Variants in NBAS observed in about 807,000 individuals in gnomAD.
NBAS encodes the protein NBAS subunit of NRZ tethering complex, also known as NAG/BC035112 fusion.
NBAS carries 219 observed loss-of-function variants against 302.5 expected under a neutral mutation model. The observed-to-expected ratio is 0.72, with a 90% confidence interval of 0.65 to 0.81. The LOEUF (loss-of-function observed/expected upper bound fraction) is 0.81, where lower values mean the gene tolerates loss of function less well. Among genes scored for constraint, NBAS ranks in the 30% least tolerant of loss-of-function variants. The pLI, the probability that NBAS is intolerant of heterozygous loss-of-function variation, is 0.00. For missense variants in NBAS, 2,932 were observed against 2,841.6 expected, an observed-to-expected ratio of 1.03 and a Z score of -0.72; for synonymous variants, 1,118 against 1,021.6, an observed-to-expected ratio of 1.09 and a Z score of -1.80.
At chr2:15,090,098 G>A in the NBAS span, among the ~76,000 whole-genome samples, 3 of 152,160 alleles carry the variant, frequency 2.0e-5, no homozygotes, top group Non-Finnish European at 2.9e-5. Context: ...ATAGGACTCT[G>A]AATTGTTCCC....
At chr2:15,287,688 C>T (rs1463281263) in intron 41 of NBAS, among the ~76,000 whole-genome samples, 4 of 151,530 alleles carry the variant, frequency 2.6e-5, no homozygotes, top group Non-Finnish European at 5.9e-5. Flanking sequence ...GGAGGCATCC[C>T]GAACACCCGC....
chr2:14,791,375 A>C, the NBAS span, among the ~76,000 whole-genome samples: 4 of 152,244 alleles, frequency 2.6e-5, no homozygotes, highest in East Asian at 7.7e-4. Context: ...GAACGAAAAC[A>C]CAACCATCTC....
At chr2:14,841,423 G>C in the NBAS span, among the ~76,000 whole-genome samples, 1 of 148,682 alleles carries the variant, frequency 6.7e-6, no homozygotes, top group Non-Finnish European at 1.5e-5. Flanking sequence ...TTGCCTACAG[G>C]AATCCCACTT....
intron 42 of NBAS, among the ~76,000 whole-genome samples, chr2:15,278,342 T>A (rs547762570): frequency 6.6e-6 from 1 of 152,196 alleles, no homozygotes; most frequent in Non-Finnish European, 1.5e-5. Context: ...TCTATAAATA[T>A]GTCCCCAGTC....
the NBAS span, among the ~76,000 whole-genome samples, chr2:14,857,209 G>A: frequency 0.21 from 31,823 of 151,970 alleles, 5,345 homozygotes; most frequent in African/African-American, 0.46. Flanking sequence ...CCATGTTCAT[G>A]AATTAGAAAA....
At chr2:15,411,053 T>C (rs1676662439) in intron 25 of NBAS, among the ~76,000 whole-genome samples, 1 of 152,134 alleles carries the variant, frequency 6.6e-6, no homozygotes, top group Admixed American at 6.5e-5. Flanking sequence ...CCTCCTGTTC[T>C]TTTGCTTGGT....
chr2:15,530,577 C>T (rs2148674272), intron 9 of NBAS, among the ~76,000 whole-genome samples: 1 of 152,000 alleles, frequency 6.6e-6, no homozygotes, highest in Admixed American at 6.5e-5. Flanking sequence ...CTACTTTCTT[C>T]AATAAGTACA....
the NBAS span, among the ~76,000 whole-genome samples, chr2:15,046,614 T>TA: frequency 6.6e-6 from 1 of 152,176 alleles, no homozygotes; most frequent in Non-Finnish European, 1.5e-5. Flanking sequence ...ATTTTATATA[T>TA]TTTTTTGCCA....
chr2:14,800,294 G>C, the NBAS span, among the ~76,000 whole-genome samples: 1 of 152,100 alleles, frequency 6.6e-6, no homozygotes. Context: ...TGCTGTTCTC[G>C]TGATAGGGAA....
At chr2:15,478,653 T>C (rs1182271174) in intron 12 of NBAS, among the ~76,000 whole-genome samples, 1 of 152,200 alleles carries the variant, frequency 6.6e-6, no homozygotes, top group Non-Finnish European at 1.5e-5. Context: ...CAGCCACTTA[T>C]AAACTGAGCA....
intron 23 of NBAS, among the ~76,000 whole-genome samples, chr2:15,418,597 C>A (rs534244768): frequency 6.6e-6 from 1 of 152,258 alleles, no homozygotes; most frequent in Admixed American, 6.5e-5. Flanking sequence ...GTGTATGATG[C>A]GGATCCCACA....
At chr2:15,207,165 T>C (rs1045738622) in intron 48 of NBAS, among the ~76,000 whole-genome samples, 2 of 152,222 alleles carry the variant, frequency 1.3e-5, no homozygotes, top group Non-Finnish European at 2.9e-5. Flanking sequence ...ACATCTTGCA[T>C]GACCGAGCCC....
At chr2:15,238,052 G>A (rs1157463072) in intron 45 of NBAS, among the ~76,000 whole-genome samples, 3 of 152,298 alleles carry the variant, frequency 2.0e-5, no homozygotes, top group South Asian at 4.1e-4. Flanking sequence ...TGGGATTACA[G>A]GAGTGAGCCA....
the NBAS span, among the ~76,000 whole-genome samples, chr2:14,938,883 T>C: frequency 6.6e-6 from 1 of 152,252 alleles, no homozygotes; most frequent in Non-Finnish European, 1.5e-5. Flanking sequence ...AGTAGAAGAC[T>C]CTTGGCTCCA....
At position 15,394,529 on chromosome 2, in the gene NBAS, C is replaced by T. The variant is rs367581651; in HGVS notation, c.3135-180G>A. Among the ~76,000 whole-genome samples, 4 of 152,062 alleles carry T rather than the reference C, an allele frequency of 2.6e-5. No homozygotes were observed. The South Asian group carries it at 8.3e-4, about 32-fold the overall frequency. ...AAAGAAAAAAAATCGAATAATTAAACAAATCTTACCTTTCTCATTGACTTT... is the reference window on the plus strand; with the variant it reads ...AAAGAAAAAAAATCGAATAATTAAATAAATCTTACCTTTCTCATTGACTTT... On this transcript the variant is annotated intron_variant, in intron 27 of 51. Transcript: ENST00000281513.
the NBAS span, among the ~76,000 whole-genome samples, chr2:15,003,808 T>G: frequency 6.6e-6 from 1 of 152,318 alleles, no homozygotes; most frequent in East Asian, 1.9e-4. Flanking sequence ...TCTTGGCTGT[T>G]AAAAAGCAAA....
Position 15,478,295 on chromosome 2 carries a change from T to C in NBAS, c.1084-6A>G, listed in dbSNP as rs768417046. 8 of 1,606,498 alleles carry C rather than the reference T, an allele frequency of 5.0e-6. No homozygotes were observed. The highest frequency in any genetic ancestry group is 6.0e-6 in the Non-Finnish European group (7 of 1,173,336). On this transcript the variant is annotated splice_polypyrimidine_tract_variant and splice_region_variant and intron_variant, in intron 12 of 51. Transcript: ENST00000281513. ...TTAAGGTCATCATAGCCTGGCTAAA[T>C]ATGAAAATAATGACTTCCTGAGTGA...
chr2:15,537,979 T>C (rs1663601027), intron 7 of NBAS, among the ~76,000 whole-genome samples: 1 of 152,170 alleles, frequency 6.6e-6, no homozygotes. Context: ...ACACGGCTAG[T>C]CCAAATTGAG....
chr2:15,115,504 T>C, the NBAS span, among the ~76,000 whole-genome samples: 3 of 152,148 alleles, frequency 2.0e-5, no homozygotes, highest in African/African-American at 7.2e-5. Context: ...AAATTATTTA[T>C]AATAACTTTT....
Sources: gnomAD v4.1 joint callset for allele counts (sites outside exome capture counted in the v4.1 genomes callset) on GRCh38, gnomAD v4.1.1 for gene constraint, MANE v1.5 for transcripts, NCBI Gene and HGNC (gene_info 2026-07-23, HGNC 2026-07-21) for gene names.